The following VPS8 variants were observed in gnomAD, a reference collection of about 807,000 sequenced individuals.
VPS8 encodes VPS8 subunit of CORVET complex.
A neutral mutation model predicts 216.4 loss-of-function variants in VPS8; 129 were observed. The observed-to-expected ratio is 0.60, with a 90% CI of 0.52 to 0.69. The LOEUF (loss-of-function observed/expected upper bound fraction) is 0.69. Among genes scored for constraint, VPS8 ranks in the 30% least tolerant of loss-of-function variants. The pLI is 0.00. For missense variants in VPS8, 1,531 were observed against 1,683.5 expected, an observed-to-expected ratio of 0.91 and a Z score of 1.59; for synonymous variants, 571 against 565.4, an observed-to-expected ratio of 1.01 and a Z score of -0.14.
At chr3:184,842,050 C>G (rs1722237926) in intron 7 of VPS8, among the ~76,000 whole-genome samples, 1 of 152,076 alleles carries the variant, frequency 6.6e-6, no homozygotes, top group Admixed American at 6.5e-5. Context: ...CTCCTCACCT[C>G]TATCTGCTTT....
chr3:184,845,895 T>C (rs1221665727), intron 8 of VPS8, among the ~76,000 whole-genome samples: 1 of 152,162 alleles, frequency 6.6e-6, no homozygotes, highest in African/African-American at 2.4e-5. Context: ...AGTGTATATA[T>C]GAATGTAATC....
intron 34 of VPS8, among the ~76,000 whole-genome samples, chr3:184,932,548 C>T (rs994833668): frequency 3.9e-5 from 6 of 152,098 alleles, no homozygotes; most frequent in South Asian, 2.1e-4. Context: ...TCCATACCTC[C>T]GACTTTTCCC....
rs181287723 is a variant in VPS8, at chr3:184,912,635, A to G, written c.2147-884A>G. Among the ~76,000 whole-genome samples the G allele has an allele frequency of 1.7e-4, 26 of 152,266 alleles. No homozygotes were observed. The East Asian group carries it at 4.8e-3, about 28-fold the overall frequency. Reference sequence around the variant, plus strand: ...TTATGCCATGCAGGTGGTGATCACCATGTGTCATACGAGTTGATGTGAATC... The same window carrying G: ...TTATGCCATGCAGGTGGTGATCACCGTGTGTCATACGAGTTGATGTGAATC... On this transcript the variant is annotated intron_variant, in intron 25 of 47. Transcript: ENST00000625842.
At chr3:184,924,791 C>T (rs1487628031) in intron 29 of VPS8, 71 bp from the exon 30 acceptor site, 2 of 1,417,344 alleles carry the variant, frequency 1.4e-6, no homozygotes, top group African/African-American at 4.1e-5. Context: ...ATCCCGTCTT[C>T]TAATTGTATT....
At chr3:184,926,475 AT>A in intron 30 of VPS8, 118 bp from the exon 31 acceptor site, 1 of 957,012 alleles carries the variant, frequency 1.0e-6, no homozygotes, top group Non-Finnish European at 1.6e-6. Context: ...CACCTGTGGT[AT>A]TTGTTATGTC....
intron 24 of VPS8, among the ~76,000 whole-genome samples, chr3:184,899,374 T>C (rs1417025942): frequency 6.6e-6 from 1 of 152,228 alleles, no homozygotes; most frequent in Non-Finnish European, 1.5e-5. Flanking sequence ...TTAGCTAATT[T>C]ATTGCTATCC....
At chr3:184,949,355 G>A (rs1177685982) in intron 36 of VPS8, among the ~76,000 whole-genome samples, 1 of 152,144 alleles carries the variant, frequency 6.6e-6, no homozygotes. Flanking sequence ...TCAAACCAGG[G>A]AAGTGGAAAG....
chr3:184,882,104 G>A (rs1234357344), intron 21 of VPS8, among the ~76,000 whole-genome samples: 2 of 151,570 alleles, frequency 1.3e-5, no homozygotes, highest in Admixed American at 6.6e-5. Context: ...TAAAACTTCA[G>A]CATTGTATTG....
In VPS8 at chr3:184,835,002, A is replaced by G. The variant is rs149352880; in HGVS notation, c.447+260A>G. 1.0e-4 allele frequency: 32 copies of G among 310,086 alleles called. 1 individual carries two copies. In the East Asian group the frequency reaches 1.7e-3, roughly 16 times the overall value. 19.2% of individuals were successfully genotyped at this position (310,086 alleles called of 1,614,324 possible). A position where few individuals can be genotyped will look rare whatever the true frequency, so the allele number is the denominator to read the frequency against. ...AATGAAATATGGCAGCAAGCCTAAAATAAATACTATTTGCCTTTTCTTTAA... is the reference window on the plus strand; with the variant it reads ...AATGAAATATGGCAGCAAGCCTAAAGTAAATACTATTTGCCTTTTCTTTAA... On this transcript the variant is annotated intron_variant, in intron 5 of 47. Coordinates refer to ENST00000625842, the MANE Select transcript of VPS8 (RefSeq NM_001009921.3).
chr3:185,041,075 C>T (rs985726220), intron 46 of VPS8, among the ~76,000 whole-genome samples: 1 of 151,996 alleles, frequency 6.6e-6, no homozygotes, highest in Non-Finnish European at 1.5e-5. Context: ...CATGGTGGTA[C>T]GCATCTGTAA....
At chr3:185,023,915 C>A (rs1037224540) in intron 45 of VPS8, among the ~76,000 whole-genome samples, 7 of 152,166 alleles carry the variant, frequency 4.6e-5, no homozygotes, top group African/African-American at 1.7e-4. Context: ...GATACTTTTT[C>A]TAAATCCTTC....
chr3:184,909,399 C>G (rs938968907), intron 25 of VPS8, among the ~76,000 whole-genome samples: 4 of 152,174 alleles, frequency 2.6e-5, no homozygotes, highest in Non-Finnish European at 4.4e-5. Flanking sequence ...GGTCCTTACT[C>G]CACCATTTCT....
chr3:184,948,522 CA>C (rs905550837), intron 36 of VPS8, among the ~76,000 whole-genome samples: 1 of 151,050 alleles, frequency 6.6e-6, no homozygotes, highest in African/African-American at 2.4e-5. Flanking sequence ...GACCTGTCTC[CA>C]AAAAACAAAA....
intron 36 of VPS8, among the ~76,000 whole-genome samples, chr3:184,946,831 G>A (rs1352256194): frequency 6.6e-6 from 1 of 151,812 alleles, no homozygotes; most frequent in African/African-American, 2.4e-5. Context: ...TCATTTTAGG[G>A]AAAAAAACTT....
chr3:185,034,496 T>C (rs928840934), intron 46 of VPS8, among the ~76,000 whole-genome samples: 3 of 152,186 alleles, frequency 2.0e-5, no homozygotes, highest in Non-Finnish European at 4.4e-5. Context: ...TTATTTGGTT[T>C]TTGCTTATTG....
At chr3:184,984,267 A>G (rs1405992071) in intron 42 of VPS8, among the ~76,000 whole-genome samples, 2 of 148,640 alleles carry the variant, frequency 1.3e-5, no homozygotes, top group African/African-American at 2.5e-5. Context: ...AGTCTTTGTC[A>G]TTACATGGTA....
chr3:184,893,689 A>G (rs1022510621), intron 22 of VPS8, among the ~76,000 whole-genome samples: 5 of 152,188 alleles, frequency 3.3e-5, no homozygotes, highest in Admixed American at 6.5e-5. Flanking sequence ...AGATTTTTTC[A>G]TATCTTTTCA....
chr3:184,860,201 G>A (rs559044499), intron 15 of VPS8, 136 bp downstream of exon 15: 10 of 762,270 alleles, frequency 1.3e-5, no homozygotes, highest in South Asian at 6.6e-5. Context: ...GTCCGGCACC[G>A]AGGCTCGTGC....
chr3:184,998,637 A>T (rs1276099562), intron 44 of VPS8, among the ~76,000 whole-genome samples: 1 of 151,916 alleles, frequency 6.6e-6, no homozygotes, highest in Admixed American at 6.5e-5. Context: ...ATTTTAGATT[A>T]GAGAAATGAA....
Sources: gnomAD v4.1 joint callset for allele counts (sites outside exome capture counted in the v4.1 genomes callset) on GRCh38, gnomAD v4.1.1 for gene constraint, MANE v1.5 for transcripts, NCBI Gene and HGNC (gene_info 2026-07-23, HGNC 2026-07-21) for gene names.